The following UTS2 variants were observed in gnomAD, a reference collection of about 807,000 sequenced individuals.
The protein encoded by UTS2 is urotensin 2.
In UTS2, 10 loss-of-function variants were observed where a neutral mutation model predicts 12.6. That is an observed-to-expected ratio of 0.80 (90% confidence interval 0.49 to 1.35). UTS2 has a LOEUF of 1.35. Ranked by LOEUF, UTS2 falls within the 40% of genes most tolerant of loss-of-function variation. UTS2 has a pLI of 0.00. For synonymous variants in UTS2, 52 were observed against 50.0 expected, an observed-to-expected ratio of 1.04 and a Z score of -0.17; for missense variants, 142 against 143.2, an observed-to-expected ratio of 0.99 and a Z score of 0.04.
chr1:7,883,480 TG>T, the UTS2 span, among the ~76,000 whole-genome samples: 1 of 152,202 alleles, frequency 6.6e-6, no homozygotes, highest in Non-Finnish European at 1.5e-5. Context: ...AATGTAACTA[TG>T]GTTACATTAC....
At chr1:7,891,600 A>AAAGAAAGAAAG in the UTS2 span, among the ~76,000 whole-genome samples, 3 of 107,994 alleles carry the variant, frequency 2.8e-5, no homozygotes, top group Non-Finnish European at 2.0e-5. Flanking sequence ...AAGAAAGAAA[A>AAAGAAAGAAAG]TTGCCAAGAG....
the UTS2 span, among the ~76,000 whole-genome samples, chr1:7,860,515 G>C: frequency 6.6e-6 from 1 of 152,126 alleles, no homozygotes; most frequent in African/African-American, 2.4e-5. Flanking sequence ...TTTAAAATGA[G>C]ATAGGAGGTC....
chr1:7,900,429 G>A, the UTS2 span, among the ~76,000 whole-genome samples: 2 of 151,840 alleles, frequency 1.3e-5, no homozygotes, highest in African/African-American at 4.8e-5. Flanking sequence ...AGGAAGGAAG[G>A]AAGGAAGCGA....
chr1:7,901,783 C>T, the UTS2 span, among the ~76,000 whole-genome samples: 1 of 152,110 alleles, frequency 6.6e-6, no homozygotes, highest in Non-Finnish European at 1.5e-5. Context: ...AAACAAAAAC[C>T]CTCGGCCAGT....
the UTS2 span, among the ~76,000 whole-genome samples, chr1:7,863,128 T>G: frequency 8.5e-5 from 9 of 106,130 alleles, no homozygotes; most frequent in East Asian, 1.1e-3. Flanking sequence ...GTATTGTATT[T>G]GAGACGAAGT....
At chr1:7,909,555 A>G in the UTS2 span, among the ~76,000 whole-genome samples, 3 of 151,926 alleles carry the variant, frequency 2.0e-5, no homozygotes, top group Non-Finnish European at 4.4e-5. Flanking sequence ...TCAAAAAAAA[A>G]AAAAAAAGAA....
the UTS2 span, among the ~76,000 whole-genome samples, chr1:7,877,798 G>A: frequency 2.6e-3 from 395 of 152,184 alleles, 2 homozygotes; most frequent in African/African-American, 9.1e-3. Context: ...GCTTGAACCT[G>A]GGAGGCAGAG....
the UTS2 span, among the ~76,000 whole-genome samples, chr1:7,877,126 C>CAAAAAAAAAA: frequency 4.8e-5 from 3 of 62,782 alleles, no homozygotes; most frequent in African/African-American, 6.7e-5. Flanking sequence ...GAGACTCTAT[C>CAAAAAAAAAA]AAAAAAAAAA....
At chr1:7,892,020 C>A in the UTS2 span, among the ~76,000 whole-genome samples, 3 of 152,154 alleles carry the variant, frequency 2.0e-5, no homozygotes, top group Non-Finnish European at 2.9e-5. Context: ...TGAAGTTCCA[C>A]CCATCCCTCA....
At chr1:7,864,774 T>C in the UTS2 span, among the ~76,000 whole-genome samples, 7 of 152,370 alleles carry the variant, frequency 4.6e-5, no homozygotes, top group Admixed American at 3.9e-4. Context: ...TCTGCCTCTA[T>C]GCATATTAAT....
the UTS2 span, among the ~76,000 whole-genome samples, chr1:7,902,875 C>G: frequency 6.6e-6 from 1 of 152,168 alleles, no homozygotes; most frequent in Non-Finnish European, 1.5e-5. Context: ...ATGCGGGGTT[C>G]CTTCCGCGCT....
the UTS2 span, among the ~76,000 whole-genome samples, chr1:7,871,257 A>G: frequency 6.6e-6 from 1 of 152,206 alleles, no homozygotes; most frequent in Non-Finnish European, 1.5e-5. Context: ...GTCCCTGTTC[A>G]GTGGGACACA....
chr1:7,911,934 TC>T, the UTS2 span, among the ~76,000 whole-genome samples: 386 of 151,718 alleles, frequency 2.5e-3, 3 homozygotes, highest in African/African-American at 8.9e-3. Flanking sequence ...GGAAGACTTT[TC>T]TGTGGATTCT....
the UTS2 span, among the ~76,000 whole-genome samples, chr1:7,896,273 G>T: frequency 6.7e-6 from 1 of 149,500 alleles, no homozygotes; most frequent in Non-Finnish European, 1.5e-5. Context: ...AAAAAAAAAA[G>T]TGTCCCTACC....
At chr1:7,904,595 T>G in the UTS2 span, among the ~76,000 whole-genome samples, 1 of 152,148 alleles carries the variant, frequency 6.6e-6, no homozygotes, top group Non-Finnish European at 1.5e-5. Flanking sequence ...TTATGCAATA[T>G]TTATGTGTTA....
chr1:7,863,008 G>T, the UTS2 span, among the ~76,000 whole-genome samples: 1 of 20,678 alleles, frequency 4.8e-5, no homozygotes, highest in African/African-American at 1.6e-4. Flanking sequence ...GTATTGTATT[G>T]TATTGTATTG....
At chr1:7,898,467 T>TAG in the UTS2 span, among the ~76,000 whole-genome samples, 1 of 151,672 alleles carries the variant, frequency 6.6e-6, no homozygotes, top group Non-Finnish European at 1.5e-5. Context: ...GCTCAGAATA[T>TAG]AGAGTTTTGT....
chr1:7,874,800 C>G, the UTS2 span, among the ~76,000 whole-genome samples: 1 of 152,220 alleles, frequency 6.6e-6, no homozygotes, highest in Admixed American at 6.5e-5. Flanking sequence ...CATTGGATTA[C>G]AGGGGCGGTT....
At chr1:7,913,004 T>G in the UTS2 span, among the ~76,000 whole-genome samples, 4 of 151,862 alleles carry the variant, frequency 2.6e-5, no homozygotes, top group Admixed American at 6.6e-5. Context: ...TTTTTTTTTT[T>G]TTGTTTTTAT....
Sources: gnomAD v4.1 joint callset for allele counts (sites outside exome capture counted in the v4.1 genomes callset) on GRCh38, gnomAD v4.1.1 for gene constraint, MANE v1.5 for transcripts, NCBI Gene and HGNC (gene_info 2026-07-23, HGNC 2026-07-21) for gene names.